MAP1B: variants seen among roughly 807,000 people sequenced by gnomAD.
The protein encoded by MAP1B is microtubule-associated protein 1B.
Under a neutral mutation model 176.1 loss-of-function variants are expected in MAP1B, and 12 were observed. The ratio of observed to expected loss-of-function variants is 0.07; its 90% confidence interval spans 0.04 to 0.11. The LOEUF (loss-of-function observed/expected upper bound fraction) is 0.11. Among genes scored for constraint, MAP1B ranks in the 10% least tolerant of loss-of-function variants. MAP1B has a pLI of 1.00. For synonymous variants in MAP1B, 1,044 were observed against 1,135.0 expected, an observed-to-expected ratio of 0.92 and a Z score of 1.61; for missense variants, 2,523 against 2,990.5, an observed-to-expected ratio of 0.84 and a Z score of 3.65.
intron 2 of MAP1B, among the ~76,000 whole-genome samples, chr5:72,162,625 G>T (rs1746347792): frequency 6.6e-6 from 1 of 152,134 alleles, no homozygotes; most frequent in African/African-American, 2.4e-5. Context: ...CATGGGTTTT[G>T]CTTCCTTGCT....
chr5:72,125,517 G>T (rs1370051002), intron 2 of MAP1B, among the ~76,000 whole-genome samples: 2 of 152,134 alleles, frequency 1.3e-5, no homozygotes, highest in Non-Finnish European at 2.9e-5. Flanking sequence ...TCCTAGCTCT[G>T]CAGGCCATAA....
At chr5:72,170,850 G>C (rs571001702) in intron 2 of MAP1B, among the ~76,000 whole-genome samples, 9 of 143,974 alleles carry the variant, frequency 6.3e-5, no homozygotes, top group Non-Finnish European at 1.4e-4. Flanking sequence ...GGGAGGCTGA[G>C]GCAGGAAAGT....
At position 72,195,211 on chromosome 5, in the gene MAP1B, A is replaced by T; in HGVS notation, c.1856A>T (p.Glu619Val). The change falls in exon 5 of 7, where the codon GAG becomes GTG. Residue 619 changes from glutamate to valine, a missense_variant. Physicochemically the swap from Glu to Val is moderately radical, Grantham distance 121. This residue lies in a region of MAP1B where 1,925 missense variants were observed against 2,126.0 expected (regional missense o/e 0.91). Transcript: ENST00000296755. ...GAAGAGCCATCTCCAGTGAAAGCCGAGGTGGCTGAGAAGCAAGCCACAGAT... is the reference window on the plus strand; with the variant it reads ...GAAGAGCCATCTCCAGTGAAAGCCGTGGTGGCTGAGAAGCAAGCCACAGAT... ...SKEEPSPVKA[E>V]VAEKQATDVK... 2.5e-6 allele frequency: 4 copies of T among 1,613,930 alleles called. No individual in the cohort carries two copies. Among genetic ancestry groups the T allele is most frequent in the Non-Finnish European group, 3.4e-6 (4 of 1,180,004 alleles).
intron 2 of MAP1B, among the ~76,000 whole-genome samples, chr5:72,118,265 C>G (rs1745467062): frequency 6.6e-6 from 1 of 151,918 alleles, no homozygotes; most frequent in Admixed American, 6.5e-5. Flanking sequence ...CCCACCTCAG[C>G]CTTCCAAGTA....
intron 2 of MAP1B, among the ~76,000 whole-genome samples, chr5:72,119,199 A>C (rs1158291319): frequency 6.6e-6 from 1 of 152,178 alleles, no homozygotes; most frequent in African/African-American, 2.4e-5. Context: ...AGCTCTGTCC[A>C]ACTCTGGCAT....
intron 2 of MAP1B, among the ~76,000 whole-genome samples, chr5:72,132,094 G>A (rs1745744132): frequency 6.6e-6 from 1 of 151,962 alleles, no homozygotes; most frequent in African/African-American, 2.4e-5. Context: ...GGCCCTTGTT[G>A]GAAAAAATAA....
At chr5:72,164,967 G>A (rs1380587090) in intron 2 of MAP1B, among the ~76,000 whole-genome samples, 1 of 151,918 alleles carries the variant, frequency 6.6e-6, no homozygotes, top group African/African-American at 2.4e-5. Context: ...TTTTCAACTG[G>A]GTTTACCTGT....
chr5:72,163,913 TCTC>T (rs1193618963), intron 2 of MAP1B, among the ~76,000 whole-genome samples: 198 of 78,898 alleles, frequency 2.5e-3, no homozygotes, highest in African/African-American at 0.01. Context: ...TTTCTCTCTC[TCTC>T]TTTTTTTTTT....
At chr5:72,170,362 C>T (rs959760156) in intron 2 of MAP1B, among the ~76,000 whole-genome samples, 3 of 152,200 alleles carry the variant, frequency 2.0e-5, no homozygotes, top group Non-Finnish European at 2.9e-5. Flanking sequence ...AAGGTCAGCT[C>T]TCTGTATGAT....
intron 2 of MAP1B, among the ~76,000 whole-genome samples, chr5:72,147,101 A>C (rs1465791352): frequency 1.3e-5 from 2 of 151,748 alleles, no homozygotes; most frequent in Non-Finnish European, 1.5e-5. Flanking sequence ...GCTGGGACTA[A>C]GGGACTACAG....
chr5:72,143,178 T>C (rs890255730), intron 2 of MAP1B, among the ~76,000 whole-genome samples: 1 of 152,214 alleles, frequency 6.6e-6, no homozygotes, highest in African/African-American at 2.4e-5. Flanking sequence ...TATAATTTTA[T>C]CAGGATTCCC....
At chr5:72,193,342 C>CTTT (rs67199223) in intron 4 of MAP1B, 588 of 216,378 alleles carry the variant, frequency 2.7e-3, no homozygotes, top group South Asian at 4.4e-3. Context: ...TCCATCAGGC[C>CTTT]TTTTTTTTTT....
chr5:72,164,080 G>T (rs1418926537), intron 2 of MAP1B, among the ~76,000 whole-genome samples: 1 of 151,172 alleles, frequency 6.6e-6, no homozygotes, highest in African/African-American at 2.4e-5. Context: ...CAAGTACTTG[G>T]GACATGTACC....
intron 6 of MAP1B, 82 bp downstream of exon 6, chr5:72,203,883 C>T (rs573441953): frequency 1.6e-6 from 2 of 1,282,552 alleles, no homozygotes; most frequent in East Asian, 2.3e-5. Flanking sequence ...TAAAGAGGCA[C>T]CTCATGTGGC....
chr5:72,190,040 G>A (rs1746993359), intron 4 of MAP1B, among the ~76,000 whole-genome samples: 1 of 152,182 alleles, frequency 6.6e-6, no homozygotes, highest in Non-Finnish European at 1.5e-5. Flanking sequence ...GTTTTTGCTT[G>A]TTGGTCTAAT....
At position 72,154,838 on chromosome 5, in the gene MAP1B, C is replaced by G. The variant is rs1410217841; in HGVS notation, c.287-28905C>G. 2.6e-5 allele frequency among the ~76,000 whole-genome samples: 4 copies of G among 152,294 alleles called. No homozygotes were observed. In the East Asian group the frequency reaches 7.7e-4, roughly 29 times the overall value. ...GCTGTGAACCAGCATCCTGGTAATT[C>G]CTGTTAATCTCTGCACTTCTTCAGA... On this transcript the variant is annotated intron_variant, in intron 2 of 6. Coordinates refer to ENST00000296755, the MANE Select transcript of MAP1B (RefSeq NM_005909.5).
Position 72,194,155 on chromosome 5 carries a change from G to C in MAP1B, c.800G>C (p.Gly267Ala). ...LSKPCCYIFP[G>A]GRGDSALFAV... ...AAGCCCTGCTGTTATATTTTTCCAG[G>C]AGGGAGGGGCGATTCTGCCTTGTTT... Residue 267 changes from glycine (G) to alanine (A), a missense_variant, in exon 5 of 7, where the codon GGA becomes GCA. Physicochemically the swap from Gly to Ala is moderately conservative, Grantham distance 60 (BLOSUM62 0). Coordinates refer to ENST00000296755, the MANE Select transcript of MAP1B (RefSeq NM_005909.5). This position sits in a 1 kb window ranked among gnomAD's most constrained non-coding sequence, Gnocchi z 7.2. 1 of 1,614,234 alleles carries C rather than the reference G, an allele frequency of 6.2e-7. No individual in the cohort carries two copies. The highest frequency in any genetic ancestry group is 8.5e-7 in the Non-Finnish European group (1 of 1,180,040).
At chr5:72,126,570 G>T (rs986168233) in intron 2 of MAP1B, among the ~76,000 whole-genome samples, 1 of 152,228 alleles carries the variant, frequency 6.6e-6, no homozygotes, top group Non-Finnish European at 1.5e-5. Context: ...GGGAAAGGAT[G>T]GATTAAATGA....
rs142639296 is a variant in MAP1B, at chr5:72,162,691, G to A, written c.287-21052G>A. ...TCTTTGCTGCTTACACACATTGTGC[G>A]GGACCCAACATAGTAGGGACTTGGT... On this transcript the variant is annotated intron_variant, in intron 2 of 6. Transcript: ENST00000296755. Among the ~76,000 whole-genome samples, 1,193 of 152,132 alleles carry A rather than the reference G, an allele frequency of 7.8e-3. 16 individuals carry two copies. The highest frequency in any genetic ancestry group is 0.027 in the African/African-American group (1,113 of 41,492).
Sources: gnomAD v4.1 joint callset for allele counts (sites outside exome capture counted in the v4.1 genomes callset) on GRCh38, gnomAD v4.1.1 for gene constraint, gnomAD v4.1.1 regional missense constraint, Gnocchi (gnomAD v3.1) non-coding constraint, MANE v1.5 for transcripts, NCBI Gene and HGNC (gene_info 2026-07-23, HGNC 2026-07-21) for gene names.